DOCK1: variants seen among roughly 807,000 people sequenced by gnomAD.
DOCK1 encodes dedicator of cytokinesis protein 1.
In DOCK1, 138 loss-of-function variants were observed where a neutral mutation model predicts 262.7. The observed-to-expected ratio is 0.53, with a 90% CI of 0.46 to 0.61. DOCK1 has a LOEUF of 0.61. Among genes scored for constraint, DOCK1 ranks in the 20% least tolerant of loss-of-function variants. The pLI is 0.00. For missense variants in DOCK1, 1,908 were observed against 2,370.7 expected (o/e 0.80, Z 4.05); for synonymous variants, 866 against 867.4 (o/e 1.00, Z 0.03).
chr10:127,247,125 G>A (rs774694307), intron 27 of DOCK1, among the ~76,000 whole-genome samples: 1 of 152,160 alleles, frequency 6.6e-6, no homozygotes, highest in Non-Finnish European at 1.5e-5. Flanking sequence ...TTCAGGGCAC[G>A]CAAACAAACG....
At chr10:127,326,720 G>A (rs2062761883) in intron 29 of DOCK1, among the ~76,000 whole-genome samples, 1 of 152,176 alleles carries the variant, frequency 6.6e-6, no homozygotes, top group Non-Finnish European at 1.5e-5. Context: ...TTTCCAGAAA[G>A]TTTTCAATTT....
At chr10:126,997,656 G>C (rs1296466745) in intron 7 of DOCK1, among the ~76,000 whole-genome samples, 5 of 151,996 alleles carry the variant, frequency 3.3e-5, no homozygotes, top group African/African-American at 9.7e-5. Context: ...CACACACACA[G>C]TAGATACTCA....
At position 127,409,135 on chromosome 10, in the gene DOCK1, A is replaced by G. The variant is rs2067695241; in HGVS notation, c.4221A>G (p.Thr1407=). ...TTCCAAACGCCGAGAAAATGAAGAC[A>G]ACATCTCCACCAGGCGACGATATTA... ...TQFPNAEKMK[T]TSPPGDDIKN... is the part of the protein sequence containing the mutation. The change falls in exon 41 of 52, where the codon ACA becomes ACG. Residue 1407 remains threonine (T), a synonymous_variant. Transcript: ENST00000623213. The G allele has an allele frequency of 1.9e-6, 3 of 1,612,478 alleles. No homozygotes were observed. In the South Asian group the frequency reaches 3.3e-5, roughly 18 times the overall value.
chr10:127,427,044 C>A (rs1041867848), intron 47 of DOCK1, among the ~76,000 whole-genome samples: 3 of 152,138 alleles, frequency 2.0e-5, no homozygotes, highest in African/African-American at 7.2e-5. Context: ...CTTTGCTGGG[C>A]CTACCCTGCC....
chr10:127,363,218 CATT>C (rs981861034), intron 33 of DOCK1, among the ~76,000 whole-genome samples: 3 of 152,098 alleles, frequency 2.0e-5, no homozygotes, highest in Non-Finnish European at 4.4e-5. Flanking sequence ...TTTTAAAAAT[CATT>C]ATACTGGACC....
chr10:127,404,872 A>T (rs2067428826), intron 40 of DOCK1, among the ~76,000 whole-genome samples: 1 of 152,150 alleles, frequency 6.6e-6, no homozygotes, highest in Admixed American at 6.5e-5. Context: ...TGCCAGCCCC[A>T]GCAGCCACCG....
intron 25 of DOCK1, among the ~76,000 whole-genome samples, chr10:127,122,151 C>T (rs911938464): frequency 6.6e-6 from 1 of 152,182 alleles, no homozygotes; most frequent in African/African-American, 2.4e-5. Context: ...AGGTGCACTC[C>T]TTGGCTTTGC....
chr10:126,991,060 T>A (rs113487152), intron 6 of DOCK1, among the ~76,000 whole-genome samples: 2 of 152,314 alleles, frequency 1.3e-5, no homozygotes, highest in African/African-American at 4.8e-5. Context: ...CTTGCCAGTT[T>A]TCACAAACAG....
chr10:126,952,223 GTTA>G (rs1181110956), intron 1 of DOCK1, among the ~76,000 whole-genome samples: 1 of 151,932 alleles, frequency 6.6e-6, no homozygotes, highest in Non-Finnish European at 1.5e-5. Context: ...CGGTAGTATT[GTTA>G]TTGTTGGTAG....
rs147412569 is a variant in DOCK1, at chr10:127,440,737, G to T, written c.5259+1512G>T. 1.1e-3 allele frequency among the ~76,000 whole-genome samples: 167 copies of T among 152,352 alleles called. 4 individuals carry two copies. The East Asian group carries it at 0.029, about 26-fold the overall frequency. On this transcript the variant is annotated intron_variant, in intron 49 of 51. Coordinates refer to ENST00000623213, the MANE Select transcript of DOCK1 (RefSeq NM_001290223.2). ...ACTTGACGTCCAACAGGCCAGCGCT[G>T]CTCTGCGGCCTGTGGGTAGGTGCTG...
chr10:127,170,370 C>T (rs777121286), intron 27 of DOCK1, among the ~76,000 whole-genome samples: 12 of 152,174 alleles, frequency 7.9e-5, no homozygotes, highest in Non-Finnish European at 1.8e-4. Flanking sequence ...TAACACCCAG[C>T]AAATGCTGAG....
intron 19 of DOCK1, among the ~76,000 whole-genome samples, chr10:127,039,192 C>G (rs556915720): frequency 6.6e-6 from 1 of 152,328 alleles, no homozygotes; most frequent in East Asian, 1.9e-4. Context: ...TAATCATCTT[C>G]TCAGTCCTGG....
intron 33 of DOCK1, among the ~76,000 whole-genome samples, chr10:127,371,698 G>T (rs2065218688): frequency 1.3e-5 from 2 of 152,052 alleles, no homozygotes; most frequent in Admixed American, 1.3e-4. Context: ...TCTATTATTT[G>T]TCCTGAAGCA....
chr10:127,332,677 T>C (rs2063036999), intron 29 of DOCK1, among the ~76,000 whole-genome samples: 1 of 152,150 alleles, frequency 6.6e-6, no homozygotes, highest in Admixed American at 6.5e-5. Flanking sequence ...TCCCCCAGCT[T>C]TGCATTACTT....
chr10:127,039,213 A>G lies in DOCK1; in HGVS notation c.2010+1397A>G, dbSNP rs142501091. Among the ~76,000 whole-genome samples the G allele has an allele frequency of 8.5e-5, 13 of 152,234 alleles. No individual in the cohort carries two copies. The East Asian group carries it at 1.9e-3, about 23-fold the overall frequency. On this transcript the variant is annotated intron_variant, in intron 19 of 51. Coordinates refer to ENST00000623213, the MANE Select transcript of DOCK1 (RefSeq NM_001290223.2). ...TCTTCTCAGTCCTGGTGTTCTCCCA[A>G]TGGCTTGGACAATGTTAATTGCATT...
At chr10:127,135,461 A>G (rs1165360666) in intron 27 of DOCK1, 1 of 152,678 alleles carries the variant, frequency 6.5e-6, no homozygotes, top group East Asian at 1.9e-4. Context: ...AAAATTAATA[A>G]AGAACTTAAC....
chr10:127,351,520 G>A (rs962591423), intron 31 of DOCK1, among the ~76,000 whole-genome samples: 52 of 152,282 alleles, frequency 3.4e-4, no homozygotes, highest in African/African-American at 1.2e-3. Context: ...GGAGTCTGAG[G>A]ACTTGGATTC....
chr10:127,153,595 G>A (rs1237592698), intron 27 of DOCK1, among the ~76,000 whole-genome samples: 6 of 152,180 alleles, frequency 3.9e-5, no homozygotes, highest in Non-Finnish European at 5.9e-5. Context: ...AAGGGAGCAA[G>A]CCATCAAACT....
intron 29 of DOCK1, among the ~76,000 whole-genome samples, chr10:127,277,032 A>T (rs995968359): frequency 1.3e-5 from 2 of 152,090 alleles, no homozygotes; most frequent in African/African-American, 4.8e-5. Context: ...TGGAAATGTG[A>T]TTGCTGCCTG....
Sources: gnomAD v4.1 joint callset for allele counts (sites outside exome capture counted in the v4.1 genomes callset) on GRCh38, gnomAD v4.1.1 for gene constraint, MANE v1.5 for transcripts, NCBI Gene and HGNC (gene_info 2026-07-23, HGNC 2026-07-21) for gene names.